PEAK1: variants seen among roughly 807,000 people sequenced by gnomAD.
PEAK1 encodes inactive tyrosine-protein kinase PEAK1.
A neutral mutation model predicts 124.7 loss-of-function variants in PEAK1; 54 were observed. The observed-to-expected ratio is 0.43, with a 90% confidence interval of 0.35 to 0.54. The LOEUF is 0.54. PEAK1 is among the 20% of genes least tolerant of loss of function. The pLI is 0.01. For missense variants in PEAK1, 2,046 were observed against 2,134.5 expected, an observed-to-expected ratio of 0.96 and a Z score of 0.82; for synonymous variants, 719 against 760.0, an observed-to-expected ratio of 0.95 and a Z score of 0.89.
intron 2 of PEAK1, chr15:77,351,060 GAA>G: frequency 1.9e-6 from 1 of 528,520 alleles, no homozygotes; most frequent in Non-Finnish European, 2.4e-6. Context: ...TTCAGAGGCA[GAA>G]GGCTTTGCTT....
At chr15:77,348,103 A>G in intron 2 of PEAK1, 1 of 985,274 alleles carries the variant, frequency 1.0e-6, no homozygotes, top group Non-Finnish European at 1.2e-6. Context: ...AGAGAAAAAA[A>G]GAAAGAAACA....
intron 1 of PEAK1, chr15:77,419,331 G>T: frequency 3.0e-6 from 3 of 985,200 alleles, no homozygotes; most frequent in Non-Finnish European, 3.6e-6. Context: ...CGGTTCAGAC[G>T]GCAAGTCCCC....
At chr15:77,320,024 C>T (rs754878306) in intron 2 of PEAK1, among the ~76,000 whole-genome samples, 1 of 152,070 alleles carries the variant, frequency 6.6e-6, no homozygotes, top group Non-Finnish European at 1.5e-5. Flanking sequence ...TTAAAATTTA[C>T]TTTTGTTTTT....
chr15:77,350,118 C>CA (rs2067118308), intron 2 of PEAK1: 1 of 985,242 alleles, frequency 1.0e-6, no homozygotes, highest in African/African-American at 1.7e-5. Flanking sequence ...GGTCTCTGTT[C>CA]AAAGCCACTT....
At chr15:77,132,904 A>G in intron 9 of PEAK1, 101 bp downstream of exon 9, 1 of 1,207,938 alleles carries the variant, frequency 8.3e-7, no homozygotes, top group Non-Finnish European at 1.2e-6. Flanking sequence ...TAATTTGCTG[A>G]ATGGAAGAAT....
At chr15:77,260,839 G>A (rs2061402649) in intron 5 of PEAK1, among the ~76,000 whole-genome samples, 1 of 152,172 alleles carries the variant, frequency 6.6e-6, no homozygotes, top group African/African-American at 2.4e-5. Context: ...GTGGCTCCCT[G>A]ACGCCCAAGT....
At position 77,267,012 on chromosome 15, in the gene PEAK1, G is replaced by A. The variant is rs1427627707; in HGVS notation, c.-274-14486C>T. Among the ~76,000 whole-genome samples the A allele has an allele frequency of 5.9e-5, 9 of 152,272 alleles. No homozygotes were observed. In the East Asian group the frequency reaches 1.7e-3, roughly 29 times the overall value. On this transcript the variant is annotated intron_variant, in intron 5 of 9. Transcript: ENST00000682557. ...GGGTGGGGGCAGGGGCACAGTGGGA[G>A]TGGGACCAGCCTTTTGGGCAGTGGG...
At chr15:77,399,815 G>T (rs2071205353) in intron 1 of PEAK1, among the ~76,000 whole-genome samples, 1 of 151,980 alleles carries the variant, frequency 6.6e-6, no homozygotes. Context: ...TGGACAAATG[G>T]GATCACATCA....
rs143910156 is a variant in PEAK1, at chr15:77,160,559, T to C, written c.3138-1863A>G. Among the ~76,000 whole-genome samples the C allele has an allele frequency of 7.9e-3, 1,197 of 151,996 alleles. 18 individuals are homozygous for C. The highest frequency in any genetic ancestry group is 0.027 in the African/African-American group (1,112 of 41,424). ...GGCATGGTGGTGCACGCCTGTAGTT[T>C]CAGCTACTGGGGAGGCTGAGGCAGG... On this transcript the variant is annotated intron_variant, in intron 7 of 9. Transcript: ENST00000682557.
At chr15:77,209,495 T>A (rs764153508) in intron 6 of PEAK1, among the ~76,000 whole-genome samples, 6 of 152,176 alleles carry the variant, frequency 3.9e-5, no homozygotes, top group Non-Finnish European at 8.8e-5. Context: ...TATATTAGCA[T>A]CAGATGTGTA....
intron 1 of PEAK1, among the ~76,000 whole-genome samples, chr15:77,369,608 T>C (rs1392370772): frequency 1.3e-5 from 2 of 152,070 alleles, no homozygotes; most frequent in Admixed American, 1.3e-4. Context: ...GCAACAGAGG[T>C]AGTATATTGC....
chr15:77,142,895 T>C (rs959993803), intron 8 of PEAK1, among the ~76,000 whole-genome samples: 3 of 152,150 alleles, frequency 2.0e-5, no homozygotes, highest in Admixed American at 2.0e-4. Context: ...GCTCTGAAAT[T>C]AGACATTAGT....
intron 2 of PEAK1, among the ~76,000 whole-genome samples, chr15:77,297,853 T>TCGA (rs1180025187): frequency 5.5e-5 from 8 of 146,556 alleles, no homozygotes; most frequent in Non-Finnish European, 1.2e-4. Context: ...GGTCAGGAGA[T>TCGA]CGAGACCATC....
chr15:77,332,909 G>T, intron 2 of PEAK1: 1 of 234,498 alleles, frequency 4.3e-6, no homozygotes, highest in Non-Finnish European at 7.0e-6. Context: ...TAATGAGATT[G>T]ATGATGCTTT....
Position 77,179,321 on chromosome 15 carries a change from G to C in PEAK1, c.2606C>G (p.Pro869Arg), listed in dbSNP as rs1469492625. 6.2e-7 allele frequency: 1 copy of C among 1,613,968 alleles called. No individual in the cohort carries two copies. The highest frequency in any genetic ancestry group is 1.3e-5 in the African/African-American group (1 of 74,886). ...VTSPQSEPPA[P>R]FPPPRSTSSP... ...AGAAGTAGAGCGTGGCGGGGGAAAG[G>C]GAGCTGGTGGCTCACTTTGGGGGCT... Residue 869 changes from proline to arginine, a missense_variant, in exon 7 of 10, where the codon CCC becomes CGC. Pro to Arg is a moderately radical substitution (Grantham distance 103). Transcript: ENST00000682557.
At chr15:77,153,127 T>G (rs2054802713) in intron 8 of PEAK1, among the ~76,000 whole-genome samples, 1 of 152,140 alleles carries the variant, frequency 6.6e-6, no homozygotes, top group Non-Finnish European at 1.5e-5. Flanking sequence ...CCTGGACTTT[T>G]TTTGGTTAGT....
intron 5 of PEAK1, among the ~76,000 whole-genome samples, chr15:77,260,520 A>G (rs928446450): frequency 6.6e-6 from 1 of 152,194 alleles, no homozygotes; most frequent in African/African-American, 2.4e-5. Flanking sequence ...ATTCAAAGAC[A>G]TAAATGAAAA....
chr15:77,314,479 C>T (rs2064746736), intron 2 of PEAK1, among the ~76,000 whole-genome samples: 1 of 152,082 alleles, frequency 6.6e-6, no homozygotes, highest in African/African-American at 2.4e-5. Flanking sequence ...AAGCGATTCT[C>T]CTGCCTCAGC....
chr15:77,268,045 CACTT>C (rs1299501903), intron 5 of PEAK1, among the ~76,000 whole-genome samples: 1 of 152,116 alleles, frequency 6.6e-6, no homozygotes, highest in Non-Finnish European at 1.5e-5. Context: ...ATGAAGGGCA[CACTT>C]AGAGAATTGC....
Sources: gnomAD v4.1 joint callset for allele counts (sites outside exome capture counted in the v4.1 genomes callset) on GRCh38, gnomAD v4.1.1 for gene constraint, MANE v1.5 for transcripts, NCBI Gene and HGNC (gene_info 2026-07-23, HGNC 2026-07-21) for gene names.